The following GPC5 variants were observed in gnomAD, a reference collection of about 807,000 sequenced individuals.
The protein encoded by GPC5 is glypican-5.
In GPC5, 47 loss-of-function variants were observed where a neutral mutation model predicts 53.9. The ratio of observed to expected loss-of-function variants is 0.87; its 90% CI spans 0.69 to 1.11. The LOEUF (loss-of-function observed/expected upper bound fraction) is 1.11. Among genes scored for constraint, GPC5 ranks in the 50% most tolerant of loss-of-function variants. The probability of loss-of-function intolerance (pLI) is 0.00; values close to 1 mark genes in which losing one functional copy is unlikely to be tolerated. For synonymous variants in GPC5, 286 were observed against 263.3 expected (o/e 1.09, Z -0.84); for missense variants, 748 against 713.1 (o/e 1.05, Z -0.56).
chr13:92,014,077 A>G (rs2040685700), intron 6 of GPC5, among the ~76,000 whole-genome samples: 1 of 152,156 alleles, frequency 6.6e-6, no homozygotes, highest in South Asian at 2.1e-4. Context: ...GCATACTTTA[A>G]TCATTTTTAT....
chr13:92,794,737 A>G (rs965341533), intron 7 of GPC5, among the ~76,000 whole-genome samples: 4 of 152,132 alleles, frequency 2.6e-5, no homozygotes, highest in Non-Finnish European at 5.9e-5. Flanking sequence ...CTATACACCA[A>G]AAACAGATAA....
At chr13:92,620,621 C>A (rs2139114047) in intron 7 of GPC5, among the ~76,000 whole-genome samples, 1 of 152,136 alleles carries the variant, frequency 6.6e-6, no homozygotes, top group South Asian at 2.1e-4. Flanking sequence ...TTTGACAAAG[C>A]AAAGCAGCTG....
chr13:92,855,835 G>A (rs1277273805), intron 7 of GPC5, among the ~76,000 whole-genome samples: 2 of 151,934 alleles, frequency 1.3e-5, no homozygotes, highest in African/African-American at 2.4e-5. Context: ...CCAGTAACAA[G>A]TTCCAAAATT....
At chr13:92,659,490 A>G (rs1196206380) in intron 7 of GPC5, among the ~76,000 whole-genome samples, 2 of 151,562 alleles carry the variant, frequency 1.3e-5, no homozygotes, top group Non-Finnish European at 2.9e-5. Context: ...CTATCTCTAG[A>G]AAGAAAACTC....
In GPC5 at chr13:92,725,201, T is replaced by C. The variant is rs373007662; in HGVS notation, c.1562-141081T>C. Among the ~76,000 whole-genome samples, 14 of 151,674 alleles carry C rather than the reference T, an allele frequency of 9.2e-5. No homozygotes were observed. In the East Asian group the frequency reaches 2.5e-3, roughly 27 times the overall value. Reference sequence around the variant, plus strand: ...TTATTTTTCATATCCCAAGCATTTATGGCAGCCACATTCGTGCCTATTTCC... The same window carrying C: ...TTATTTTTCATATCCCAAGCATTTACGGCAGCCACATTCGTGCCTATTTCC... On this transcript the variant is annotated intron_variant, in intron 7 of 7. Coordinates refer to ENST00000377067, the MANE Select transcript of GPC5 (RefSeq NM_004466.6).
chr13:92,644,231 G>C (rs1885691271), intron 7 of GPC5, among the ~76,000 whole-genome samples: 1 of 152,086 alleles, frequency 6.6e-6, no homozygotes, highest in Admixed American at 6.6e-5. Context: ...TTACCTAACA[G>C]GCTATTTACT....
At chr13:92,304,998 A>G (rs2043101610) in intron 7 of GPC5, among the ~76,000 whole-genome samples, 1 of 152,202 alleles carries the variant, frequency 6.6e-6, no homozygotes, top group South Asian at 2.1e-4. Context: ...TCAGGGTGGT[A>G]TTGCCATAGA....
At chr13:92,385,266 C>G (rs927541930) in intron 7 of GPC5, among the ~76,000 whole-genome samples, 26 of 148,898 alleles carry the variant, frequency 1.7e-4, no homozygotes, top group African/African-American at 5.9e-4. Context: ...TCTCATGTAT[C>G]CAGTGGACTG....
At chr13:92,326,710 G>A (rs1478938045) in intron 7 of GPC5, among the ~76,000 whole-genome samples, 2 of 152,092 alleles carry the variant, frequency 1.3e-5, no homozygotes, top group Non-Finnish European at 2.9e-5. Context: ...TAAGAGCCCA[G>A]TTTAATACTT....
Position 91,893,064 on chromosome 13 carries a change from T to G in GPC5, c.1281-14873T>G, listed in dbSNP as rs916182158. Among the ~76,000 whole-genome samples the G allele has an allele frequency of 3.9e-5, 6 of 152,082 alleles. No homozygotes were observed. The South Asian group carries it at 1.2e-3, about 32-fold the overall frequency. ...TGAAGATATTTGCGTGGACATTTTG[T>G]TGATAACTCATAAGATGTAGCTGTT... On this transcript the variant is annotated intron_variant, in intron 5 of 7. Transcript: ENST00000377067.
chr13:92,284,300 C>T (rs2042937682), intron 7 of GPC5, among the ~76,000 whole-genome samples: 1 of 152,162 alleles, frequency 6.6e-6, no homozygotes, highest in African/African-American at 2.4e-5. Flanking sequence ...GAGCCGAGTT[C>T]TACTAGAGGT....
chr13:91,514,301 G>C (rs1040407082), intron 2 of GPC5, among the ~76,000 whole-genome samples: 1 of 152,132 alleles, frequency 6.6e-6, no homozygotes, highest in East Asian at 1.9e-4. Context: ...GTATGAGTGA[G>C]CCAACATTTG....
intron 7 of GPC5, among the ~76,000 whole-genome samples, chr13:92,259,910 T>C (rs1253876009): frequency 6.6e-6 from 1 of 152,098 alleles, no homozygotes. Flanking sequence ...TCCAGGGAAA[T>C]AGTCCTGCCA....
chr13:92,429,737 A>T (rs535027562), intron 7 of GPC5, among the ~76,000 whole-genome samples: 1 of 152,262 alleles, frequency 6.6e-6, no homozygotes, highest in African/African-American at 2.4e-5. Flanking sequence ...TACATTCTAA[A>T]TGTTGAACAC....
At chr13:92,660,839 A>ATAGC (rs1326115936) in intron 7 of GPC5, among the ~76,000 whole-genome samples, 1 of 152,166 alleles carries the variant, frequency 6.6e-6, no homozygotes, top group Non-Finnish European at 1.5e-5. Flanking sequence ...CCAGCCACAT[A>ATAGC]TAGCTATTCA....
At chr13:91,722,466 A>G (rs1166386656) in intron 3 of GPC5, among the ~76,000 whole-genome samples, 1 of 152,188 alleles carries the variant, frequency 6.6e-6, no homozygotes, top group Admixed American at 6.5e-5. Context: ...AATAATTATG[A>G]ATAGGAATGA....
intron 6 of GPC5, among the ~76,000 whole-genome samples, chr13:92,086,817 C>A (rs1393043748): frequency 6.6e-6 from 1 of 152,120 alleles, no homozygotes; most frequent in East Asian, 1.9e-4. Context: ...TGCCAACATG[C>A]CTGGCTAATT....
chr13:91,961,000 A>C (rs2040120727), intron 6 of GPC5, among the ~76,000 whole-genome samples: 1 of 151,984 alleles, frequency 6.6e-6, no homozygotes, highest in Non-Finnish European at 1.5e-5. Flanking sequence ...TATGGTTGAG[A>C]CCTCAAAAGC....
chr13:91,524,280 G>A (rs1885981330), intron 2 of GPC5, among the ~76,000 whole-genome samples: 1 of 151,976 alleles, frequency 6.6e-6, no homozygotes, highest in South Asian at 2.1e-4. Context: ...TTTCTCTGAT[G>A]CTTTGCAGTT....
Sources: gnomAD v4.1 joint callset for allele counts (sites outside exome capture counted in the v4.1 genomes callset) on GRCh38, gnomAD v4.1.1 for gene constraint, MANE v1.5 for transcripts, NCBI Gene and HGNC (gene_info 2026-07-23, HGNC 2026-07-21) for gene names.